PCYT1A: variants seen among roughly 807,000 people sequenced by gnomAD.
The protein encoded by PCYT1A is choline-phosphate cytidylyltransferase A.
In PCYT1A, 25 loss-of-function variants were observed where a neutral mutation model predicts 43.7. That is an observed-to-expected ratio of 0.57 (90% CI 0.42 to 0.80). PCYT1A has a LOEUF of 0.80. Ranked by LOEUF, PCYT1A falls within the 30% of genes least tolerant of loss-of-function variation. The pLI, the probability that PCYT1A is intolerant of heterozygous loss-of-function variation, is 0.00. For synonymous variants in PCYT1A, 172 were observed against 170.7 expected, an observed-to-expected ratio of 1.01 and a Z score of -0.06; for missense variants, 421 against 474.2, an observed-to-expected ratio of 0.89 and a Z score of 1.04.
rs188311691 is a variant in PCYT1A, at chr3:196,246,801, G to A, written c.486+566C>T. Among the ~76,000 whole-genome samples the A allele has an allele frequency of 1.9e-3, 290 of 152,320 alleles. 2 individuals are homozygous for A. The highest frequency in any genetic ancestry group is 3.2e-3 in the Non-Finnish European group (216 of 68,024). On this transcript the variant is annotated intron_variant, in intron 5 of 8. Transcript: ENST00000431016. ...CTAAGGGTAGATGTGCCTATGGTGTGGGGGGAAGGTCTCGTAACTGGTGAG... is the reference window on the plus strand; with the variant it reads ...CTAAGGGTAGATGTGCCTATGGTGTAGGGGGAAGGTCTCGTAACTGGTGAG...
intron 2 of PCYT1A, among the ~76,000 whole-genome samples, chr3:196,269,011 C>T (rs1725355957): frequency 6.6e-6 from 1 of 152,158 alleles, no homozygotes; most frequent in African/African-American, 2.4e-5. Context: ...GTGCCAAGCA[C>T]TAAGCAATGT....
chr3:196,238,543 C>A lies in PCYT1A; in HGVS notation c.*145G>T. ...CTTGCAGGACAGGCTGTTTGGGTTC[C>A]CCCAGTCCTAGGTCTTCTTTCCCCA... On this transcript the variant is annotated 3_prime_UTR_variant, in exon 9 of 9. Transcript: ENST00000431016. 1 of 559,146 alleles carries A rather than the reference C, an allele frequency of 1.8e-6. No individual in the cohort carries two copies. 34.6% of individuals were successfully genotyped at this position (559,146 alleles called of 1,614,324 possible).
chr3:196,250,320 G>A (rs1724712961), intron 3 of PCYT1A, among the ~76,000 whole-genome samples: 1 of 151,356 alleles, frequency 6.6e-6, no homozygotes, highest in Non-Finnish European at 1.5e-5. Context: ...CTGAGGATCA[G>A]ATACACTATG....
At position 196,287,693 on chromosome 3, in the gene PCYT1A, G is replaced by T. The variant is rs1000879652; in HGVS notation, c.-89C>A. ...CGTCACTGACTAGGGAAGTTGAGGA[G>T]GTTGCGGGGAGACGCCCGGGGAAGG... is the stretch of plus-strand genomic sequence containing the variant. On this transcript the variant is annotated 5_prime_UTR_variant, in exon 1 of 9. Coordinates refer to ENST00000431016, the MANE Select transcript of PCYT1A (RefSeq NM_001312673.2). The T allele has an allele frequency of 1.3e-5, 2 of 152,272 alleles. No homozygotes were observed. Among genetic ancestry groups the T allele is most frequent in the Non-Finnish European group, 2.9e-5 (2 of 68,126 alleles). 9.4% of individuals were successfully genotyped at this position (152,272 alleles called of 1,614,324 possible).
chr3:196,249,777 T>C (rs201616907), intron 3 of PCYT1A, among the ~76,000 whole-genome samples: 1 of 151,022 alleles, frequency 6.6e-6, no homozygotes, highest in Non-Finnish European at 1.5e-5. Flanking sequence ...TATGCTGAGG[T>C]TGAGGATCAG....
At chr3:196,244,176 C>A (rs1389339033) in intron 5 of PCYT1A, among the ~76,000 whole-genome samples, 11 of 149,430 alleles carry the variant, frequency 7.4e-5, no homozygotes, top group Admixed American at 6.7e-4. Flanking sequence ...AGTGTCTCTG[C>A]CCGACCGCCA....
chr3:196,250,885 T>C (rs77578374), intron 3 of PCYT1A, among the ~76,000 whole-genome samples: 33,242 of 141,744 alleles, frequency 0.23, 5,193 homozygotes, highest in East Asian at 0.75. Context: ...TCAGATACAC[T>C]ATGCTGAGGC....
intron 2 of PCYT1A, among the ~76,000 whole-genome samples, chr3:196,258,094 G>A (rs1205219036): frequency 6.6e-6 from 1 of 152,064 alleles, no homozygotes; most frequent in Non-Finnish European, 1.5e-5. Flanking sequence ...AGACAATCCT[G>A]GCTAACATGG....
At chr3:196,283,079 T>C (rs1725813322) in intron 1 of PCYT1A, among the ~76,000 whole-genome samples, 1 of 152,244 alleles carries the variant, frequency 6.6e-6, no homozygotes, top group Non-Finnish European at 1.5e-5. Flanking sequence ...GGCTCACGCC[T>C]GTAATCCCAA....
intron 2 of PCYT1A, among the ~76,000 whole-genome samples, chr3:196,265,121 T>C (rs989562330): frequency 2.6e-5 from 4 of 152,226 alleles, no homozygotes; most frequent in Non-Finnish European, 5.9e-5. Flanking sequence ...TGGAGTGCAG[T>C]GGTGTGATCT....
intron 3 of PCYT1A, among the ~76,000 whole-genome samples, chr3:196,251,142 G>C (rs1037846894): frequency 1.3e-5 from 2 of 151,162 alleles, no homozygotes; most frequent in Admixed American, 6.6e-5. Flanking sequence ...CTGAGGACCA[G>C]ATACACCATG....
intron 5 of PCYT1A, among the ~76,000 whole-genome samples, chr3:196,244,550 TGAG>T (rs1476121132): frequency 1.3e-5 from 2 of 151,224 alleles, no homozygotes; most frequent in Non-Finnish European, 2.9e-5. Context: ...TACTGGGAGG[TGAG>T]GAGCCCCTCT....
chr3:196,241,621 G>A (rs762484127), intron 7 of PCYT1A: 1 of 1,327,292 alleles, frequency 7.5e-7, no homozygotes, highest in Non-Finnish European at 9.9e-7. Context: ...CCTTTCGCAG[G>A]TTCCCAAGAC....
At chr3:196,244,324 C>T (rs1405610701) in intron 5 of PCYT1A, among the ~76,000 whole-genome samples, 3 of 146,808 alleles carry the variant, frequency 2.0e-5, no homozygotes, top group Non-Finnish European at 4.5e-5. Flanking sequence ...AAGTGAGGAG[C>T]GCCTCCTCCC....
Position 196,272,561 on chromosome 3 carries a change from C to T in PCYT1A, c.-10-2020G>A, listed in dbSNP as rs554025266. On this transcript the variant is annotated intron_variant, in intron 1 of 8. Transcript: ENST00000431016. Reference sequence around the variant, plus strand: ...CTTGAACTCCTGACCTCAGGTGATCCACCCACCTCGACCTCCCAAAGTGCT... The same window carrying T: ...CTTGAACTCCTGACCTCAGGTGATCTACCCACCTCGACCTCCCAAAGTGCT... Among the ~76,000 whole-genome samples the T allele has an allele frequency of 1.2e-4, 19 of 152,250 alleles. No homozygotes were observed. The East Asian group carries it at 3.3e-3, about 26-fold the overall frequency.
At chr3:196,254,171 T>G (rs915202113) in intron 3 of PCYT1A, among the ~76,000 whole-genome samples, 1 of 150,924 alleles carries the variant, frequency 6.6e-6, no homozygotes, top group Non-Finnish European at 1.5e-5. Context: ...GGATTACAGG[T>G]GTGTGCCACC....
At chr3:196,265,388 A>C (rs1303758985) in intron 2 of PCYT1A, among the ~76,000 whole-genome samples, 1 of 152,144 alleles carries the variant, frequency 6.6e-6, no homozygotes, top group Non-Finnish European at 1.5e-5. Flanking sequence ...AAGATAAGCT[A>C]AACGTCTTAT....
chr3:196,275,533 G>A (rs1048467227), intron 1 of PCYT1A, among the ~76,000 whole-genome samples: 7 of 152,100 alleles, frequency 4.6e-5, no homozygotes, highest in Non-Finnish European at 1.0e-4. Flanking sequence ...AAGAGATCGA[G>A]ACCATCCTGG....
chr3:196,267,104 A>C (rs1386689096), intron 2 of PCYT1A, among the ~76,000 whole-genome samples: 1 of 149,892 alleles, frequency 6.7e-6, no homozygotes, highest in Non-Finnish European at 1.5e-5. Context: ...ACTTGAACCC[A>C]GGAGGCGGAG....
Sources: gnomAD v4.1 joint callset for allele counts (sites outside exome capture counted in the v4.1 genomes callset) on GRCh38, gnomAD v4.1.1 for gene constraint, MANE v1.5 for transcripts, NCBI Gene and HGNC (gene_info 2026-07-23, HGNC 2026-07-21) for gene names.